The following PCDH9 variants were observed in gnomAD, a reference collection of about 807,000 sequenced individuals.
The protein encoded by PCDH9 is protocadherin-9.
PCDH9 carries 24 observed loss-of-function variants against 70.6 expected under a neutral mutation model. That is an observed-to-expected ratio of 0.34 (90% confidence interval 0.25 to 0.48). The LOEUF (loss-of-function observed/expected upper bound fraction) is 0.48, where lower values mean the gene tolerates loss of function less well. Among genes scored for constraint, PCDH9 ranks in the 20% least tolerant of loss-of-function variants. The probability of loss-of-function intolerance (pLI) is 0.99; values close to 1 mark genes in which losing one functional copy is unlikely to be tolerated. For missense variants in PCDH9, 1,281 were observed against 1,503.6 expected, an observed-to-expected ratio of 0.85 and a Z score of 2.45; for synonymous variants, 562 against 558.5, an observed-to-expected ratio of 1.01 and a Z score of -0.09.
chr13:66,739,089 G>C (rs1009737690), intron 3 of PCDH9, among the ~76,000 whole-genome samples: 1 of 136,812 alleles, frequency 7.3e-6, no homozygotes, highest in African/African-American at 2.7e-5. Context: ...GGCAGCCAGA[G>C]AGAAAGGTCG....
chr13:66,995,288 C>A lies in PCDH9; in HGVS notation c.3037-91683G>T, dbSNP rs76486212. Among the ~76,000 whole-genome samples, 531 of 152,224 alleles carry A rather than the reference C, an allele frequency of 3.5e-3. 2 individuals carry two copies. The highest frequency in any genetic ancestry group is 0.012 in the African/African-American group (488 of 41,550). ...ATCGGAAAGGCTGAAGCATAAGACACGGTAAATACAAAAGGCAAAAGAGGT... is the reference window on the plus strand; with the variant it reads ...ATCGGAAAGGCTGAAGCATAAGACAAGGTAAATACAAAAGGCAAAAGAGGT... On this transcript the variant is annotated intron_variant, in intron 2 of 4. Coordinates refer to ENST00000377865, the MANE Select transcript of PCDH9 (RefSeq NM_203487.3).
intron 2 of PCDH9, among the ~76,000 whole-genome samples, chr13:66,950,581 T>C (rs1325738636): frequency 3.3e-5 from 5 of 152,048 alleles, no homozygotes; most frequent in South Asian, 2.1e-4. Flanking sequence ...TATTAGGCCA[T>C]TGCATATATT....
chr13:67,064,905 T>C lies in PCDH9; in HGVS notation c.3036+160500A>G, dbSNP rs1023848877. ...GCCTGTGTGGAAATAGATAGATAGA[T>C]AGATAGATAGATAGATAGATAGATA... On this transcript the variant is annotated intron_variant, in intron 2 of 4. Transcript: ENST00000377865. 5.3e-5 allele frequency among the ~76,000 whole-genome samples: 8 copies of C among 150,394 alleles called. No homozygotes were observed. The South Asian group carries it at 1.7e-3, about 31-fold the overall frequency.
In PCDH9 at chr13:66,991,439, GA is replaced by G. The variant is rs137953061; in HGVS notation, c.3037-87835del. Among the ~76,000 whole-genome samples, 5 of 151,844 alleles carry G rather than the reference GA, an allele frequency of 3.3e-5. No individual in the cohort carries two copies. The East Asian group carries it at 9.7e-4, about 29-fold the overall frequency. On this transcript the variant is annotated intron_variant, in intron 2 of 4. Transcript: ENST00000377865. ...TTACCAAAAGGTTGCATACTAATAA[GA>G]AAAAATATATATTAAAGAATCATGA...
intron 3 of PCDH9, among the ~76,000 whole-genome samples, chr13:66,887,034 AAC>A (rs9317623): frequency 0.18 from 26,406 of 143,494 alleles, 2,626 homozygotes; most frequent in Admixed American, 0.28. Context: ...CAAATATAAT[AAC>A]ACACACACAC....
intron 3 of PCDH9, among the ~76,000 whole-genome samples, chr13:66,738,575 A>G (rs1463962807): frequency 3.1e-5 from 4 of 127,604 alleles, no homozygotes; most frequent in South Asian, 3.1e-4. Flanking sequence ...ACGAAAGGCA[A>G]AGAAGTTGAA....
At chr13:66,953,179 CAT>C (rs376289329) in intron 2 of PCDH9, among the ~76,000 whole-genome samples, 510 of 151,978 alleles carry the variant, frequency 3.4e-3, no homozygotes, top group Middle Eastern at 0.01. Context: ...TATATAAACA[CAT>C]GTTAGAGGCA....
intron 4 of PCDH9, among the ~76,000 whole-genome samples, chr13:66,493,853 C>T (rs568069185): frequency 1.3e-5 from 2 of 151,958 alleles, no homozygotes; most frequent in African/African-American, 2.4e-5. Context: ...TGCTCAAGGC[C>T]TATGATGCCA....
chr13:67,033,672 G>A (rs954752999), intron 2 of PCDH9, among the ~76,000 whole-genome samples: 9 of 152,040 alleles, frequency 5.9e-5, no homozygotes, highest in Non-Finnish European at 8.8e-5. Context: ...TGCTATACTC[G>A]TACCACTGAG....
chr13:66,508,620 G>A lies in PCDH9; in HGVS notation c.3340+122590C>T, dbSNP rs546163302. Among the ~76,000 whole-genome samples the A allele has an allele frequency of 1.5e-3, 228 of 152,060 alleles. 1 individual carries two copies. Among genetic ancestry groups the A allele is most frequent in the Non-Finnish European group, 2.2e-3 (151 of 67,994 alleles). Reference sequence around the variant, plus strand: ...TTAGTCAAGCTTTCACAAGCACTGTGGCCTTCATTATCCAAGGAATCTTAG... The same window carrying A: ...TTAGTCAAGCTTTCACAAGCACTGTAGCCTTCATTATCCAAGGAATCTTAG... On this transcript the variant is annotated intron_variant, in intron 4 of 4. Transcript: ENST00000377865.
intron 3 of PCDH9, among the ~76,000 whole-genome samples, chr13:66,799,113 C>T (rs2080289027): frequency 6.6e-6 from 1 of 152,164 alleles, no homozygotes; most frequent in African/African-American, 2.4e-5. Flanking sequence ...GCCACCACAC[C>T]TGGCCTGCTA....
At chr13:67,066,434 A>G (rs1216407386) in intron 2 of PCDH9, among the ~76,000 whole-genome samples, 6 of 152,098 alleles carry the variant, frequency 3.9e-5, no homozygotes, top group African/African-American at 1.4e-4. Context: ...GGGTTTCACC[A>G]CGTTAGCCAA....
chr13:66,714,208 G>A (rs1308586896), intron 3 of PCDH9, among the ~76,000 whole-genome samples: 2 of 152,114 alleles, frequency 1.3e-5, no homozygotes, highest in Non-Finnish European at 2.9e-5. Context: ...GTTCATGCCT[G>A]TAATCCCAGC....
At chr13:66,632,875 A>G (rs905028576) in intron 3 of PCDH9, among the ~76,000 whole-genome samples, 3 of 151,996 alleles carry the variant, frequency 2.0e-5, no homozygotes, top group Non-Finnish European at 4.4e-5. Flanking sequence ...AAAATATATA[A>G]TATACAAGTA....
At chr13:66,352,083 G>A (rs555653249) in intron 4 of PCDH9, among the ~76,000 whole-genome samples, 19 of 152,106 alleles carry the variant, frequency 1.2e-4, no homozygotes, top group African/African-American at 4.3e-4. Flanking sequence ...TGATCCACCC[G>A]CCTCAGCCTC....
intron 3 of PCDH9, among the ~76,000 whole-genome samples, chr13:66,821,238 T>C (rs982417850): frequency 6.6e-6 from 1 of 152,138 alleles, no homozygotes; most frequent in African/African-American, 2.4e-5. Context: ...GATAAATAAG[T>C]ACGATTATGT....
At chr13:66,641,912 T>C (rs1367858651) in intron 3 of PCDH9, among the ~76,000 whole-genome samples, 2 of 152,188 alleles carry the variant, frequency 1.3e-5, no homozygotes, top group African/African-American at 4.8e-5. Context: ...ATATTCTAAC[T>C]GGCCTTCTTT....
chr13:66,348,573 A>G (rs9540720), intron 4 of PCDH9, among the ~76,000 whole-genome samples: 70,525 of 151,396 alleles, frequency 0.47, 17,301 homozygotes, highest in East Asian at 0.62. Context: ...AATTTTCACT[A>G]CAGACAAGGT....
chr13:66,961,315 T>C (rs2083341279), intron 2 of PCDH9, among the ~76,000 whole-genome samples: 1 of 152,144 alleles, frequency 6.6e-6, no homozygotes, highest in Admixed American at 6.5e-5. Context: ...AGCACAATAA[T>C]GGCAAAAAAC....
Sources: allele counts gnomAD v4.1 joint callset (sites outside exome capture counted in the v4.1 genomes callset), GRCh38; gene constraint gnomAD v4.1.1; transcripts MANE v1.5; gene names NCBI Gene and HGNC (gene_info 2026-07-23, HGNC 2026-07-21).